The following NOS1AP variants were observed in gnomAD, a reference collection of about 807,000 sequenced individuals.
NOS1AP encodes nitric oxide synthase 1 adaptor protein, also known as carboxyl-terminal PDZ ligand of neuronal nitric oxide synthase protein.
In NOS1AP, 21 loss-of-function variants were observed where a neutral mutation model predicts 56.2. That is an observed-to-expected ratio of 0.37 (90% CI 0.26 to 0.54). The LOEUF is 0.54. Ranked by LOEUF, NOS1AP falls within the 20% of genes least tolerant of loss-of-function variation. The pLI is 0.84. For missense variants in NOS1AP, 522 were observed against 657.8 expected (o/e 0.79, Z 2.26); for synonymous variants, 270 against 274.6 (o/e 0.98, Z 0.17).
chr1:162,305,447 C>T (rs763901212), intron 4 of NOS1AP, among the ~76,000 whole-genome samples: 8 of 151,286 alleles, frequency 5.3e-5, no homozygotes, highest in Admixed American at 2.6e-4. Context: ...GGAAGTGATT[C>T]GCTATTACAG....
chr1:162,154,325 T>C (rs1463610140), intron 1 of NOS1AP, 80 bp from the exon 2 acceptor site: 1 of 1,265,398 alleles, frequency 7.9e-7, no homozygotes, highest in African/African-American at 1.5e-5. Context: ...GATGAGCTAG[T>C]CCTTTACCCT....
At chr1:162,291,514 T>C (rs1655280767) in intron 3 of NOS1AP, among the ~76,000 whole-genome samples, 1 of 152,158 alleles carries the variant, frequency 6.6e-6, no homozygotes, top group Non-Finnish European at 1.5e-5. Context: ...GATGAGATCC[T>C]TTCTCAAATA....
intron 2 of NOS1AP, among the ~76,000 whole-genome samples, chr1:162,194,084 C>T (rs1317233131): frequency 6.6e-6 from 1 of 152,150 alleles, no homozygotes; most frequent in Non-Finnish European, 1.5e-5. Flanking sequence ...CATGCATAGC[C>T]TTAAATAAAT....
intron 5 of NOS1AP, among the ~76,000 whole-genome samples, chr1:162,339,601 C>T (rs1211196092): frequency 6.6e-6 from 1 of 152,178 alleles, no homozygotes. Context: ...GACCCACAGA[C>T]AAGCATTCAT....
At position 162,302,850 on chromosome 1, in the gene NOS1AP, G is replaced by T. The variant is rs931887229; in HGVS notation, c.344+2144G>T. Reference sequence around the variant, plus strand: ...AATCCCCACATCCCCAAGCGACCACGATCTCCTTTCTGTTATTGATGAGTT... The same window carrying T: ...AATCCCCACATCCCCAAGCGACCACTATCTCCTTTCTGTTATTGATGAGTT... On this transcript the variant is annotated intron_variant, in intron 4 of 9. Coordinates refer to ENST00000361897, the MANE Select transcript of NOS1AP (RefSeq NM_014697.3). 6.6e-5 allele frequency among the ~76,000 whole-genome samples: 10 copies of T among 152,162 alleles called. No homozygotes were observed. The South Asian group carries it at 2.1e-3, about 32-fold the overall frequency.
intron 4 of NOS1AP, among the ~76,000 whole-genome samples, chr1:162,325,205 A>G (rs542585148): frequency 9.2e-5 from 14 of 152,298 alleles, no homozygotes; most frequent in African/African-American, 2.9e-4. Flanking sequence ...CAGTGGGGGG[A>G]AAATGATAAT....
chr1:162,195,685 G>T (rs933196151), intron 2 of NOS1AP, among the ~76,000 whole-genome samples: 2 of 152,132 alleles, frequency 1.3e-5, no homozygotes, highest in African/African-American at 2.4e-5. Flanking sequence ...GTCTTGAAAT[G>T]ACTTTCATCT....
chr1:162,100,911 C>A (rs1345251947), intron 1 of NOS1AP, among the ~76,000 whole-genome samples: 1 of 152,102 alleles, frequency 6.6e-6, no homozygotes, highest in Non-Finnish European at 1.5e-5. Context: ...ATGATAGTTT[C>A]TTTCACTTTG....
intron 2 of NOS1AP, among the ~76,000 whole-genome samples, chr1:162,217,791 C>G (rs1652633148): frequency 6.6e-6 from 1 of 152,186 alleles, no homozygotes; most frequent in African/African-American, 2.4e-5. Flanking sequence ...GGTCAGCCTG[C>G]CAGTTCCTGA....
At chr1:162,122,400 C>G (rs1237967177) in intron 1 of NOS1AP, among the ~76,000 whole-genome samples, 2 of 152,122 alleles carry the variant, frequency 1.3e-5, no homozygotes, top group Admixed American at 6.5e-5. Context: ...ACCAAGGTCA[C>G]ATTGTGCTAC....
intron 4 of NOS1AP, among the ~76,000 whole-genome samples, chr1:162,310,170 G>A (rs764310742): frequency 6.6e-6 from 1 of 151,870 alleles, no homozygotes; most frequent in Non-Finnish European, 1.5e-5. Flanking sequence ...CTCCATTCCC[G>A]TTAGACTCTG....
intron 1 of NOS1AP, among the ~76,000 whole-genome samples, chr1:162,092,099 A>T (rs1692149443): frequency 6.6e-6 from 1 of 152,208 alleles, no homozygotes; most frequent in Non-Finnish European, 1.5e-5. Flanking sequence ...TGGGATTGGC[A>T]TTGCAGCTTG....
At chr1:162,076,014 C>T (rs1034439703) in intron 1 of NOS1AP, among the ~76,000 whole-genome samples, 2 of 152,198 alleles carry the variant, frequency 1.3e-5, no homozygotes, top group Admixed American at 1.3e-4. Flanking sequence ...CAAAATCATG[C>T]AGCCACATCT....
intron 2 of NOS1AP, among the ~76,000 whole-genome samples, chr1:162,240,534 A>G (rs1188050908): frequency 2.6e-5 from 4 of 152,222 alleles, no homozygotes; most frequent in Non-Finnish European, 5.9e-5. Flanking sequence ...ACAGCACAGC[A>G]TGCTTTCTAG....
chr1:162,331,047 GA>G (rs755050600), intron 4 of NOS1AP, among the ~76,000 whole-genome samples: 1 of 152,182 alleles, frequency 6.6e-6, no homozygotes, highest in Non-Finnish European at 1.5e-5. Flanking sequence ...TGAGAAGCTT[GA>G]GAACCATTCA....
At chr1:162,285,471 T>A (rs957976601) in intron 2 of NOS1AP, among the ~76,000 whole-genome samples, 1 of 152,148 alleles carries the variant, frequency 6.6e-6, no homozygotes, top group Non-Finnish European at 1.5e-5. Context: ...GGTGACACAA[T>A]GCAAACTGGA....
chr1:162,114,323 A>G (rs1011243491), intron 1 of NOS1AP, among the ~76,000 whole-genome samples: 1 of 152,116 alleles, frequency 6.6e-6, no homozygotes, highest in African/African-American at 2.4e-5. Context: ...TGCAACATCT[A>G]TAGGGCAAGC....
intron 2 of NOS1AP, among the ~76,000 whole-genome samples, chr1:162,184,938 G>A (rs547812130): frequency 6.6e-6 from 1 of 152,304 alleles, no homozygotes; most frequent in East Asian, 1.9e-4. Context: ...TTATAGTTGT[G>A]TACATCAGAA....
intron 4 of NOS1AP, among the ~76,000 whole-genome samples, chr1:162,301,144 C>G (rs375023134): frequency 6.6e-6 from 1 of 152,096 alleles, no homozygotes; most frequent in African/African-American, 2.4e-5. Flanking sequence ...ATGCAGTAAT[C>G]GAAAGTCACA....
Sources: allele counts gnomAD v4.1 joint callset (sites outside exome capture counted in the v4.1 genomes callset), GRCh38; gene constraint gnomAD v4.1.1; transcripts MANE v1.5; gene names NCBI Gene and HGNC (gene_info 2026-07-23, HGNC 2026-07-21).